Variants in SOX6 observed in about 807,000 individuals in gnomAD.
The protein encoded by SOX6 is transcription factor SOX-6.
SOX6 carries 11 observed loss-of-function variants against 97.8 expected under a neutral mutation model. The observed-to-expected ratio is 0.11, with a 90% CI of 0.07 to 0.19. SOX6 has a LOEUF of 0.19. Among genes scored for constraint, SOX6 ranks in the 10% least tolerant of loss-of-function variants. The pLI is 1.00. For missense variants in SOX6, 810 were observed against 1,039.5 expected, an observed-to-expected ratio of 0.78 and a Z score of 3.04; for synonymous variants, 360 against 371.4, an observed-to-expected ratio of 0.97 and a Z score of 0.35.
chr11:16,526,391 C>A (rs543817156), intron 4 of SOX6, among the ~76,000 whole-genome samples: 1,829 of 151,800 alleles, frequency 0.012, 22 homozygotes, highest in South Asian at 0.041. Context: ...GGACAAAAAA[C>A]CAAACACCGC....
At chr11:16,376,592 T>C (rs1282495341) in intron 1 of SOX6, among the ~76,000 whole-genome samples, 2 of 152,120 alleles carry the variant, frequency 1.3e-5, no homozygotes, top group East Asian at 3.9e-4. Context: ...AGAGGAAGCA[T>C]ATGCAAATTG....
In SOX6 at chr11:15,972,044, A is replaced by G. The variant is rs1455948382; in HGVS notation, c.*765T>C. 1 of 152,668 alleles carries G rather than the reference A, an allele frequency of 6.6e-6. No individual in the cohort carries two copies. The highest frequency in any genetic ancestry group is 1.5e-5 in the Non-Finnish European group (1 of 68,124). 9.5% of individuals were successfully genotyped at this position (152,668 alleles called of 1,614,324 possible). On this transcript the variant is annotated 3_prime_UTR_variant, in exon 16 of 16. Coordinates refer to ENST00000683767, the MANE Select transcript of SOX6 (RefSeq NM_001367873.1). ...GCACTGATGGCACGTCAACAGGCAAACACAATTGGGTCCATGCACTGTGGC... is the reference window on the plus strand; with the variant it reads ...GCACTGATGGCACGTCAACAGGCAAGCACAATTGGGTCCATGCACTGTGGC...
At chr11:16,173,714 A>G (rs1851103381) in intron 6 of SOX6, among the ~76,000 whole-genome samples, 1 of 151,390 alleles carries the variant, frequency 6.6e-6, no homozygotes, top group Non-Finnish European at 1.5e-5. Flanking sequence ...TTTAAAACTA[A>G]AAAACTAGAG....
At chr11:16,198,647 T>C (rs1851854974) in intron 4 of SOX6, among the ~76,000 whole-genome samples, 1 of 152,138 alleles carries the variant, frequency 6.6e-6, no homozygotes, top group African/African-American at 2.4e-5. Flanking sequence ...CATCACCTTT[T>C]GAAGAGGCAA....
At chr11:16,412,549 G>A (rs1858842901) in intron 1 of SOX6, among the ~76,000 whole-genome samples, 1 of 152,002 alleles carries the variant, frequency 6.6e-6, no homozygotes, top group African/African-American at 2.4e-5. Context: ...AAGGCAGGAG[G>A]GTCACTTAAG....
chr11:16,066,098 T>A (rs571519327), intron 9 of SOX6, among the ~76,000 whole-genome samples: 1 of 152,130 alleles, frequency 6.6e-6, no homozygotes, highest in South Asian at 2.1e-4. Context: ...AAAACATGGG[T>A]AAAATATTTG....
At chr11:16,682,055 C>A (rs537128576) in intron 3 of SOX6, among the ~76,000 whole-genome samples, 1 of 152,216 alleles carries the variant, frequency 6.6e-6, no homozygotes, top group African/African-American at 2.4e-5. Flanking sequence ...TGGTACCATT[C>A]CTTTTGAAAC....
At chr11:16,001,122 C>T (rs529231497) in intron 13 of SOX6, among the ~76,000 whole-genome samples, 47 of 152,188 alleles carry the variant, frequency 3.1e-4, no homozygotes, top group Non-Finnish European at 6.8e-4. Context: ...GCCTTGGCCT[C>T]CCAAAATGCT....
In SOX6 at chr11:16,470,267, A is replaced by G. The variant is rs1186028567; in HGVS notation, c.-5+6048T>C. Among the ~76,000 whole-genome samples the G allele has an allele frequency of 2.0e-5, 3 of 152,230 alleles. No homozygotes were observed. In the East Asian group the frequency reaches 5.8e-4, roughly 29 times the overall value. ...CTCATCTTTTTTATTTACCTGCTCTATGTCAAGATTAGCCTGGAATAATAT... is the reference window on the plus strand; with the variant it reads ...CTCATCTTTTTTATTTACCTGCTCTGTGTCAAGATTAGCCTGGAATAATAT... On this transcript the variant is annotated intron_variant, in intron 1 of 15. Coordinates refer to the SOX6 transcript ENST00000396356.
intron 1 of SOX6, among the ~76,000 whole-genome samples, chr11:16,439,297 T>C (rs953958247): frequency 1.8e-4 from 27 of 152,130 alleles, no homozygotes; most frequent in Non-Finnish European, 3.5e-4. Flanking sequence ...CAAATACAAT[T>C]CTATTTCTTT....
chr11:16,422,245 T>G (rs895104166), intron 1 of SOX6, among the ~76,000 whole-genome samples: 1 of 152,198 alleles, frequency 6.6e-6, no homozygotes. Flanking sequence ...TTTATATAAG[T>G]CACACTAATG....
At chr11:16,456,934 A>C (rs951699247) in intron 1 of SOX6, among the ~76,000 whole-genome samples, 2 of 152,114 alleles carry the variant, frequency 1.3e-5, no homozygotes, top group African/African-American at 4.8e-5. Context: ...AATTTAGAGT[A>C]TAATTATTTT....
intron 6 of SOX6, among the ~76,000 whole-genome samples, chr11:16,134,425 T>C (rs2134027989): frequency 6.6e-6 from 1 of 152,318 alleles, no homozygotes; most frequent in Non-Finnish European, 1.5e-5. Context: ...GTGTATAGTT[T>C]GAATTAGTAT....
intron 1 of SOX6, among the ~76,000 whole-genome samples, chr11:16,457,209 G>A (rs2133102384): frequency 6.6e-6 from 1 of 152,124 alleles, no homozygotes; most frequent in East Asian, 1.9e-4. Context: ...ATCCTAATAT[G>A]TTTAAACACA....
chr11:16,301,812 G>A (rs1039456910), intron 3 of SOX6, among the ~76,000 whole-genome samples: 1 of 151,820 alleles, frequency 6.6e-6, no homozygotes, highest in Non-Finnish European at 1.5e-5. Context: ...TCCATAAAAC[G>A]ACAAGAAAAG....
intron 3 of SOX6, among the ~76,000 whole-genome samples, chr11:16,250,476 C>A (rs1018435862): frequency 6.6e-6 from 1 of 151,944 alleles, no homozygotes; most frequent in South Asian, 2.1e-4. Context: ...TTGTTTATAA[C>A]AGATAAACTT....
At chr11:16,524,546 G>A (rs1413590866) in intron 4 of SOX6, among the ~76,000 whole-genome samples, 2 of 150,684 alleles carry the variant, frequency 1.3e-5, no homozygotes, top group Non-Finnish European at 3.0e-5. Context: ...GCAAAAACTG[G>A]AAGCATTCCC....
chr11:16,430,319 A>T (rs1189557540), intron 1 of SOX6, among the ~76,000 whole-genome samples: 2 of 152,172 alleles, frequency 1.3e-5, no homozygotes, highest in Admixed American at 1.3e-4. Context: ...GATATAATCC[A>T]TGTTTATTTG....
At chr11:16,461,943 C>A (rs1220867242) in intron 1 of SOX6, among the ~76,000 whole-genome samples, 5 of 152,118 alleles carry the variant, frequency 3.3e-5, no homozygotes, top group Non-Finnish European at 5.9e-5. Context: ...TTCTTGAGGG[C>A]AGGGACTTTG....
Sources: allele counts gnomAD v4.1 joint callset (sites outside exome capture counted in the v4.1 genomes callset), GRCh38; gene constraint gnomAD v4.1.1; transcripts MANE v1.5; gene names NCBI Gene and HGNC (gene_info 2026-07-23, HGNC 2026-07-21).